LINGO2: variants seen among roughly 807,000 people sequenced by gnomAD.
The protein encoded by LINGO2 is leucine rich repeat and Ig domain containing 2.
A neutral mutation model predicts 30.6 loss-of-function variants in LINGO2; 14 were observed. The ratio of observed to expected loss-of-function variants is 0.46; its 90% CI spans 0.30 to 0.72. The LOEUF (loss-of-function observed/expected upper bound fraction) is 0.72. Ranked by LOEUF, LINGO2 falls within the 30% of genes least tolerant of loss-of-function variation. LINGO2 has a pLI of 0.07. For synonymous variants in LINGO2, 317 were observed against 288.5 expected (o/e 1.10, Z -1.00); for missense variants, 729 against 751.7 (o/e 0.97, Z 0.35).
chr9:27,998,640 G>A (rs1821788335), intron 5 of LINGO2, among the ~76,000 whole-genome samples: 1 of 152,172 alleles, frequency 6.6e-6, no homozygotes, highest in African/African-American at 2.4e-5. Flanking sequence ...AAGTAGCTGT[G>A]CGTGGTGGCA....
chr9:28,046,698 A>G (rs566215403), intron 4 of LINGO2, among the ~76,000 whole-genome samples: 10 of 152,152 alleles, frequency 6.6e-5, no homozygotes, highest in African/African-American at 1.4e-4. Flanking sequence ...AACCACACCT[A>G]AAGTTCCCAC....
chr9:28,037,331 AACT>A (rs1823985877), intron 4 of LINGO2, among the ~76,000 whole-genome samples: 3 of 152,194 alleles, frequency 2.0e-5, no homozygotes, highest in African/African-American at 7.2e-5. Context: ...TCTAGACTTA[AACT>A]TTATACTCCA....
chr9:28,710,952 G>A, the LINGO2 span, among the ~76,000 whole-genome samples: 1 of 148,682 alleles, frequency 6.7e-6, no homozygotes, highest in African/African-American at 2.5e-5. Flanking sequence ...CTGGGTAGAG[G>A]GCCTCAAGGA....
chr9:28,751,725 T>G, the LINGO2 span, among the ~76,000 whole-genome samples: 1 of 152,050 alleles, frequency 6.6e-6, no homozygotes, highest in Non-Finnish European at 1.5e-5. Context: ...GTATACTAGT[T>G]TATTACTAGT....
intron 4 of LINGO2, among the ~76,000 whole-genome samples, chr9:28,015,998 C>CCAAA (rs1554658819): frequency 8.2e-6 from 1 of 122,428 alleles, no homozygotes; most frequent in African/African-American, 3.1e-5. Flanking sequence ...GTAAAAGGGA[C>CCAAA]AAAAAAAAAA....
At chr9:28,003,332 TATATAG>T (rs1375305807) in intron 5 of LINGO2, among the ~76,000 whole-genome samples, 1 of 135,356 alleles carries the variant, frequency 7.4e-6, no homozygotes, top group East Asian at 2.1e-4. Flanking sequence ...ACCATATAGA[TATATAG>T]ATATATAGAT....
intron 1 of LINGO2, among the ~76,000 whole-genome samples, chr9:28,633,689 G>C (rs1293841703): frequency 6.6e-6 from 1 of 152,078 alleles, no homozygotes; most frequent in Non-Finnish European, 1.5e-5. Flanking sequence ...CCTTCACATG[G>C]ATCACAGTAC....
intron 1 of LINGO2, among the ~76,000 whole-genome samples, chr9:28,551,577 G>A (rs1587844355): frequency 6.6e-6 from 1 of 151,946 alleles, no homozygotes. Flanking sequence ...TTCAGTGGTT[G>A]TACACAAAAG....
intron 4 of LINGO2, among the ~76,000 whole-genome samples, chr9:28,036,963 T>A (rs951396616): frequency 1.3e-5 from 2 of 152,152 alleles, no homozygotes; most frequent in Non-Finnish European, 2.9e-5. Context: ...GGTGTTTAAG[T>A]GAGACAAGTG....
At chr9:28,264,852 A>T (rs766954029) in intron 4 of LINGO2, among the ~76,000 whole-genome samples, 2 of 151,964 alleles carry the variant, frequency 1.3e-5, no homozygotes, top group African/African-American at 2.4e-5. Flanking sequence ...GTTAACAACT[A>T]CTGTCCTTGA....
At chr9:28,810,569 G>T in the LINGO2 span, among the ~76,000 whole-genome samples, 1 of 152,152 alleles carries the variant, frequency 6.6e-6, no homozygotes, top group East Asian at 1.9e-4. Flanking sequence ...ATTTAATGAT[G>T]TTTATCCTGG....
the LINGO2 span, among the ~76,000 whole-genome samples, chr9:28,985,865 ACC>A: frequency 6.6e-6 from 1 of 151,946 alleles, no homozygotes; most frequent in East Asian, 1.9e-4. Flanking sequence ...CTTTTGTTTG[ACC>A]TAATCCCATT....
the LINGO2 span, among the ~76,000 whole-genome samples, chr9:28,938,800 A>T: frequency 4.6e-5 from 7 of 152,174 alleles, no homozygotes; most frequent in African/African-American, 1.4e-4. Context: ...CTCAGAATGT[A>T]TCCCTGTCTG....
the LINGO2 span, among the ~76,000 whole-genome samples, chr9:28,714,165 A>ATC: frequency 5.9e-4 from 23 of 39,140 alleles, no homozygotes; most frequent in African/African-American, 2.3e-3. Context: ...GCCTCAAATA[A>ATC]TATATATATA....
chr9:28,336,470 G>A (rs1825592248), intron 3 of LINGO2, among the ~76,000 whole-genome samples: 1 of 152,026 alleles, frequency 6.6e-6, no homozygotes, highest in African/African-American at 2.4e-5. Flanking sequence ...TTTGGTAAAT[G>A]TAAGAAACCT....
chr9:28,319,184 G>A (rs1824949522), intron 3 of LINGO2, among the ~76,000 whole-genome samples: 1 of 152,136 alleles, frequency 6.6e-6, no homozygotes, highest in Non-Finnish European at 1.5e-5. Flanking sequence ...ATGTATAATG[G>A]GAAAATTGGG....
chr9:28,117,981 C>T (rs952473838), intron 4 of LINGO2, among the ~76,000 whole-genome samples: 3 of 151,846 alleles, frequency 2.0e-5, no homozygotes, highest in Admixed American at 2.0e-4. Flanking sequence ...TTAATTCAAC[C>T]ATTGTGGAAA....
At chr9:28,261,522 A>C in intron 4 of LINGO2, among the ~76,000 whole-genome samples, 1 of 152,056 alleles carries the variant, frequency 6.6e-6, no homozygotes, top group Middle Eastern at 3.4e-3. Context: ...CAAACAAATA[A>C]AAAATAAATT....
intron 1 of LINGO2, among the ~76,000 whole-genome samples, chr9:28,549,645 A>AT (rs201480486): frequency 6.9e-4 from 104 of 151,018 alleles, no homozygotes; most frequent in African/African-American, 2.1e-3. Flanking sequence ...ATATTTTAGT[A>AT]TTTTTTTTTA....
Sources: gnomAD v4.1 joint callset for allele counts (sites outside exome capture counted in the v4.1 genomes callset) on GRCh38, gnomAD v4.1.1 for gene constraint, MANE v1.5 for transcripts, NCBI Gene and HGNC (gene_info 2026-07-23, HGNC 2026-07-21) for gene names.